The following GRK4 variants were observed in gnomAD, a reference collection of about 807,000 sequenced individuals.
The protein encoded by GRK4 is G protein-coupled receptor kinase 2-like.
A neutral mutation model predicts 77.9 loss-of-function variants in GRK4; 73 were observed. The observed-to-expected ratio is 0.94, with a 90% CI of 0.78 to 1.14. GRK4 has a LOEUF of 1.14. GRK4 is among the 50% of genes most tolerant of loss of function. The probability of loss-of-function intolerance (pLI) is 0.00; values close to 1 mark genes in which losing one functional copy is unlikely to be tolerated. For missense variants in GRK4, 729 were observed against 700.2 expected, an observed-to-expected ratio of 1.04 and a Z score of -0.46; for synonymous variants, 257 against 254.4, an observed-to-expected ratio of 1.01 and a Z score of -0.10.
intron 8 of GRK4, 39 bp from the exon 9 acceptor site, chr4:3,019,602 C>G (rs1304185200): frequency 1.3e-6 from 2 of 1,500,350 alleles, no homozygotes; most frequent in African/African-American, 2.8e-5. Context: ...AATGAAAGAG[C>G]AAGTTCGTGT....
chr4:3,039,351 C>T (rs1419027189), intron 15 of GRK4, among the ~76,000 whole-genome samples: 3 of 152,100 alleles, frequency 2.0e-5, no homozygotes, highest in African/African-American at 7.2e-5. Flanking sequence ...TGTGTGTTCC[C>T]AGGGGGTTGA....
intron 4 of GRK4, among the ~76,000 whole-genome samples, chr4:2,993,272 C>G (rs1337375240): frequency 1.3e-5 from 2 of 152,196 alleles, no homozygotes; most frequent in Non-Finnish European, 2.9e-5. Context: ...GAGCTGTAAC[C>G]TGCTTCCTTT....
At chr4:3,017,277 T>C (rs1734816434) in intron 8 of GRK4, among the ~76,000 whole-genome samples, 1 of 152,200 alleles carries the variant, frequency 6.6e-6, no homozygotes, top group African/African-American at 2.4e-5. Flanking sequence ...TCACTGCCTT[T>C]CCCTCTTGCC....
At chr4:3,022,523 C>A (rs1265504234) in intron 10 of GRK4, 72 bp downstream of exon 10, 3 of 1,343,934 alleles carry the variant, frequency 2.2e-6, no homozygotes, top group Non-Finnish European at 3.2e-6. Context: ...AAGTTGGATG[C>A]AGAAAGTGGA....
intron 8 of GRK4, among the ~76,000 whole-genome samples, chr4:3,014,924 G>A (rs1734014515): frequency 6.6e-6 from 1 of 152,128 alleles, no homozygotes; most frequent in African/African-American, 2.4e-5. Context: ...ACCACGTCTG[G>A]CTGAGGATAC....
rs777547911 is a variant in GRK4, at chr4:3,037,368, A to G, written c.1408-6A>G. 9.5e-6 allele frequency: 15 copies of G among 1,584,122 alleles called. No homozygotes were observed. The highest frequency in any genetic ancestry group is 8.1e-5 in the African/African-American group (6 of 74,350). On this transcript the variant is annotated splice_region_variant and splice_polypyrimidine_tract_variant and intron_variant, in intron 13 of 15. Coordinates refer to ENST00000398052, the MANE Select transcript of GRK4 (RefSeq NM_182982.3). ...CTCAGAGGCTGCCCCTGTTCTTGCT[A>G]CACAGCCTCATGCCGTTTACTGTAA...
At position 3,037,445 on chromosome 4, in the gene GRK4, C is replaced by T. The variant is rs746507858; in HGVS notation, c.1479C>T (p.Asp493=). ...CGGTGGTGAAAGGGATCTACCTGGA[C>T]ACCGCAGATGAAGACTTCTATGCTC... ...QFSVVKGIYL[D]TADEDFYARF... is the part of the protein sequence containing the mutation. Residue 493 remains aspartate (D), a synonymous_variant, in exon 14 of 16, where the codon GAC becomes GAT. Transcript: ENST00000398052. The T allele has an allele frequency of 3.7e-6, 6 of 1,612,156 alleles. No individual in the cohort carries two copies. Among genetic ancestry groups the T allele is most frequent in the South Asian group, 1.1e-5 (1 of 91,016 alleles).
At chr4:2,966,411 CG>C (rs1366984252) in intron 1 of GRK4, 2 of 141,882 alleles carry the variant, frequency 1.4e-5, no homozygotes, top group Admixed American at 1.5e-4. Context: ...GACTCCGTCT[CG>C]AAAAAAAAAA....
In GRK4 at chr4:2,988,820, T is replaced by G; in HGVS notation, c.242T>G (p.Ile81Ser). 6.2e-7 allele frequency: 1 copy of G among 1,604,700 alleles called. No homozygotes were observed. Residue 81 changes from isoleucine (I) to serine (S), a missense_variant, in exon 3 of 16, where the codon ATT becomes AGT. Ile to Ser is a moderately radical substitution (Grantham distance 142, BLOSUM62 -2). Coordinates refer to ENST00000398052, the MANE Select transcript of GRK4 (RefSeq NM_182982.3). ...ACCAAACCCACTCTAAAGAGGCACA[T>G]TGAATTCTTGGATGCAGTGGTGAGC... ...CDTKPTLKRH[I>S]EFLDAVAEYE... is the part of the protein sequence containing the mutation.
Position 3,027,910 on chromosome 4 carries a change from A to AG in GRK4, c.971dup. 1 of 1,613,656 alleles carries AG rather than the reference A, an allele frequency of 6.2e-7. No homozygotes were observed. The highest frequency in any genetic ancestry group is 8.5e-7 in the Non-Finnish European group (1 of 1,179,596). On this transcript the variant is annotated splice_acceptor_variant, in intron 10 of 15. Coordinates refer to ENST00000398052, the MANE Select transcript of GRK4 (RefSeq NM_182982.3). LOFTEE classifies it high-confidence loss of function. ...TGTGTAATAACATATTTGAACACAC[A>AG]GGACACATCCGGATTTCAGACCTCG... is the stretch of plus-strand genomic sequence containing the variant.
intron 7 of GRK4, among the ~76,000 whole-genome samples, chr4:3,013,481 ACT>A (rs554129294): frequency 1.8e-3 from 267 of 152,340 alleles, no homozygotes; most frequent in African/African-American, 6.2e-3. Context: ...CCATTTGTAC[ACT>A]GTCTTAGAGT....
chr4:2,982,802 G>A (rs1429813960), intron 1 of GRK4, among the ~76,000 whole-genome samples: 2 of 152,112 alleles, frequency 1.3e-5, no homozygotes, highest in Non-Finnish European at 2.9e-5. Context: ...CTCTGTGAAG[G>A]GACAGGAGGA....
chr4:3,019,599 G>C, intron 8 of GRK4, 42 bp from the exon 9 acceptor site: 1 of 1,489,954 alleles, frequency 6.7e-7, no homozygotes, highest in Non-Finnish European at 9.2e-7. Flanking sequence ...ACCAATGAAA[G>C]AGCAAGTTCG....
At chr4:3,012,418 A>G (rs1267423347) in intron 7 of GRK4, among the ~76,000 whole-genome samples, 1 of 152,230 alleles carries the variant, frequency 6.6e-6, no homozygotes, top group Non-Finnish European at 1.5e-5. Context: ...GTGGGCCCAA[A>G]ATCAAATAGA....
chr4:2,998,408 T>C (rs1030446761), intron 4 of GRK4, among the ~76,000 whole-genome samples: 1 of 151,834 alleles, frequency 6.6e-6, no homozygotes, highest in Non-Finnish European at 1.5e-5. Context: ...GAAGTAAAAC[T>C]CTATTTGCAA....
chr4:3,016,531 C>CAAAAA lies in GRK4; in HGVS notation c.741+2703_741+2704insAAAAA, dbSNP rs1560464134. On this transcript the variant is annotated intron_variant, in intron 8 of 15. Transcript: ENST00000398052. ...TGGGTGACAGAGTGAGACTCAATCT[C>CAAAAA]CAAAAAAAAAAAAAAAAAAATTAGC... Among the ~76,000 whole-genome samples, 231 of 125,836 alleles carry CAAAAA rather than the reference C, an allele frequency of 1.8e-3. 10 individuals are homozygous for CAAAAA. The highest frequency in any genetic ancestry group is 4.1e-3 in the African/African-American group (120 of 28,946). The allele number at this position is 125,836 out of a possible 152,430, so 82.6% of individuals were successfully genotyped here.
At chr4:3,005,844 T>G (rs1055639465) in intron 5 of GRK4, among the ~76,000 whole-genome samples, 3 of 151,932 alleles carry the variant, frequency 2.0e-5, no homozygotes, top group Non-Finnish European at 4.4e-5. Flanking sequence ...AACAAGGCTT[T>G]CTCTCTCTAT....
intron 4 of GRK4, 35 bp downstream of exon 4, chr4:2,992,327 T>C: frequency 1.4e-6 from 2 of 1,398,732 alleles, no homozygotes; most frequent in Non-Finnish European, 2.0e-6. Flanking sequence ...AATTTGTAGA[T>C]AAATAATTAG....
intron 7 of GRK4, among the ~76,000 whole-genome samples, chr4:3,011,053 A>G (rs2109889741): frequency 6.6e-6 from 1 of 152,306 alleles, no homozygotes; most frequent in South Asian, 2.1e-4. Context: ...CCTCTGTTTG[A>G]ATATGTCCTA....
Sources: gnomAD v4.1 joint callset for allele counts (sites outside exome capture counted in the v4.1 genomes callset) on GRCh38, gnomAD v4.1.1 for gene constraint, MANE v1.5 for transcripts, NCBI Gene and HGNC (gene_info 2026-07-23, HGNC 2026-07-21) for gene names.